ITGA2: variants seen among roughly 807,000 people sequenced by gnomAD.
ITGA2 encodes the protein integrin subunit alpha 2, also known as integrin alpha-2.
Under a neutral mutation model 146.3 loss-of-function variants are expected in ITGA2, and 101 were observed. The ratio of observed to expected loss-of-function variants is 0.69; its 90% CI spans 0.59 to 0.81. ITGA2 has a LOEUF of 0.81. Ranked by LOEUF, ITGA2 falls within the 40% of genes least tolerant of loss-of-function variation. The pLI is 0.00. For missense variants in ITGA2, 1,281 were observed against 1,402.7 expected, an observed-to-expected ratio of 0.91 and a Z score of 1.39; for synonymous variants, 477 against 487.1, an observed-to-expected ratio of 0.98 and a Z score of 0.27.
At chr5:53,049,068 A>G (rs1051090284) in intron 6 of ITGA2, among the ~76,000 whole-genome samples, 1 of 151,384 alleles carries the variant, frequency 6.6e-6, no homozygotes, top group Non-Finnish European at 1.5e-5. Context: ...CTGGAGTGCA[A>G]TGGCACGATT....
At chr5:53,070,332 G>T in intron 17 of ITGA2, 72 bp downstream of exon 17, 1 of 1,489,378 alleles carries the variant, frequency 6.7e-7, no homozygotes, top group Non-Finnish European at 9.3e-7. Flanking sequence ...AGTCAAAAAT[G>T]GAAGCTTATG....
intron 2 of ITGA2, among the ~76,000 whole-genome samples, chr5:53,029,403 TAA>T (rs777324772): frequency 3.3e-5 from 5 of 152,218 alleles, no homozygotes; most frequent in Non-Finnish European, 5.9e-5. Context: ...CTCCAAGAAC[TAA>T]GTCTTTTGTC....
At chr5:53,074,768 A>G (rs1253736134) in intron 21 of ITGA2, among the ~76,000 whole-genome samples, 1 of 152,004 alleles carries the variant, frequency 6.6e-6, no homozygotes, top group Non-Finnish European at 1.5e-5. Flanking sequence ...GAGATCATTT[A>G]TTAACCCCTA....
intron 6 of ITGA2, among the ~76,000 whole-genome samples, chr5:53,049,264 A>C (rs1447043865): frequency 1.3e-5 from 2 of 152,090 alleles, no homozygotes; most frequent in African/African-American, 4.8e-5. Flanking sequence ...CACCTGCCTC[A>C]GCCTCCCAAA....
At chr5:53,000,904 T>G (rs1433576844) in intron 1 of ITGA2, among the ~76,000 whole-genome samples, 3 of 144,798 alleles carry the variant, frequency 2.1e-5, no homozygotes, top group Admixed American at 6.9e-5. Flanking sequence ...TTTGTTTTTT[T>G]TTTTTTTTTT....
chr5:53,088,057 C>A lies in ITGA2; in HGVS notation c.3348+1016C>A, dbSNP rs1247890412. On this transcript the variant is annotated intron_variant, in intron 28 of 29. Coordinates refer to ENST00000296585, the MANE Select transcript of ITGA2 (RefSeq NM_002203.4). ...GTTTAGGAGCCTCAGTGAAAGCCTA[C>A]ACCCTCTCTTCAGACACTGGGGCCT... Among the ~76,000 whole-genome samples, 3 of 152,210 alleles carry A rather than the reference C, an allele frequency of 2.0e-5. No homozygotes were observed. In the East Asian group the frequency reaches 5.8e-4, roughly 29 times the overall value.
intron 8 of ITGA2, 49 bp downstream of exon 8, chr5:53,055,737 TC>T: frequency 6.3e-7 from 1 of 1,599,676 alleles, no homozygotes; most frequent in Non-Finnish European, 8.6e-7. Context: ...GGTAAATCTT[TC>T]TTTATAGCAT....
intron 1 of ITGA2, among the ~76,000 whole-genome samples, chr5:52,994,128 A>G (rs1211148040): frequency 1.3e-5 from 2 of 152,192 alleles, no homozygotes; most frequent in East Asian, 3.9e-4. Flanking sequence ...AGTGAATTTC[A>G]TAAAACTAAT....
At chr5:53,001,914 A>G (rs1008375687) in intron 1 of ITGA2, among the ~76,000 whole-genome samples, 3 of 151,724 alleles carry the variant, frequency 2.0e-5, no homozygotes, top group Non-Finnish European at 4.4e-5. Context: ...GATGCTTTAG[A>G]AGACATCTTA....
Position 53,056,003 on chromosome 5 carries a change from G to A in ITGA2, c.950G>A (p.Arg317Lys). 6.2e-7 allele frequency: 1 copy of A among 1,609,502 alleles called. No homozygotes were observed. The highest frequency in any genetic ancestry group is 1.1e-5 in the South Asian group (1 of 90,566). The stretch of plus-strand genomic sequence containing the variant: ...TTCAAGGTTCTTGGGTACTTAAACA[G>A]AAACGCCCTTGATACTAAAAATTTA... ...FGIAVLGYLN[R>K]NALDTKNLIK... The change falls in exon 9 of 30, where the codon AGA (arginine) becomes AAA (lysine). Residue 317 changes from arginine (R) to lysine (K), a missense_variant. By Grantham distance (26) the Arg-to-Lys change is conservative. This residue lies in a region of ITGA2 where 795 missense variants were observed against 841.7 expected (regional missense o/e 0.94). Transcript: ENST00000296585.
At position 53,092,147 on chromosome 5, in the gene ITGA2, C is replaced by CA. The variant is rs1740458549; in HGVS notation, c.*1549dup. On this transcript the variant is annotated 3_prime_UTR_variant, in exon 30 of 30. Transcript: ENST00000296585. Reference sequence around the variant, plus strand: ...CTTATTTTCTCTGTTCCTGAGCCCCCACATTCTCTAGGAGAAACTTAGAGG... The same window carrying CA: ...CTTATTTTCTCTGTTCCTGAGCCCCCAACATTCTCTAGGAGAAACTTAGAGG... 6.6e-6 allele frequency: 1 copy of CA among 152,204 alleles called. No homozygotes were observed. The highest frequency in any genetic ancestry group is 2.1e-4 in the South Asian group (1 of 4,824). 9.4% of individuals were successfully genotyped at this position (152,204 alleles called of 1,614,324 possible).
At chr5:53,045,168 C>A in intron 4 of ITGA2, 76 bp downstream of exon 4, 1 of 1,101,228 alleles carries the variant, frequency 9.1e-7, no homozygotes, top group Non-Finnish European at 1.4e-6. Flanking sequence ...CCATCCCTCC[C>A]AATCTGAGGA....
rs547881211 is a variant in ITGA2 at position 53,071,978 on chromosome 5, A to T, written c.2276A>T (p.Asp759Val). 1.9e-6 allele frequency: 3 copies of T among 1,612,378 alleles called. No homozygotes were observed. Among genetic ancestry groups the T allele is most frequent in the South Asian group, 1.1e-5 (1 of 91,054 alleles). ...DVVNSLDLRV[D>V]ISLENPGTSP... Reference sequence around the variant, plus strand: ...GTCAACTCTTTGGATTTGCGTGTGGACATCAGTCTGGAAAACCCTGGCACT... The same window carrying T: ...GTCAACTCTTTGGATTTGCGTGTGGTCATCAGTCTGGAAAACCCTGGCACT... Residue 759 changes from aspartate (D) to valine (V), a missense_variant, in exon 18 of 30, where the codon GAC becomes GTC. Physicochemically the swap from Asp to Val is radical, Grantham distance 152. Transcript: ENST00000296585.
intron 28 of ITGA2, 60 bp downstream of exon 28, chr5:53,087,101 A>T: frequency 8.7e-7 from 1 of 1,147,326 alleles, no homozygotes; most frequent in South Asian, 1.2e-5. Context: ...TCCACTTCTA[A>T]AAGCCTGGGA....
At chr5:53,037,926 A>G (rs996981322) in intron 2 of ITGA2, among the ~76,000 whole-genome samples, 9 of 152,180 alleles carry the variant, frequency 5.9e-5, no homozygotes, top group Non-Finnish European at 1.3e-4. Flanking sequence ...GGGAATTTCA[A>G]GTGCTTCCAC....
intron 2 of ITGA2, among the ~76,000 whole-genome samples, chr5:53,033,046 T>C (rs3776790): frequency 0.17 from 26,148 of 152,092 alleles, 2,696 homozygotes; most frequent in Middle Eastern, 0.24. Context: ...GGCGGGCGGA[T>C]CACTTGAGGT....
chr5:53,044,962 A>G, intron 3 of ITGA2, 39 bp from the exon 4 acceptor site: 1 of 1,473,648 alleles, frequency 6.8e-7, no homozygotes, highest in Non-Finnish European at 9.5e-7. Context: ...TAAACGAGGA[A>G]TTTTTAATCA....
At chr5:53,081,820 G>A (rs1430628190) in intron 26 of ITGA2, 124 bp downstream of exon 26, 2 of 677,638 alleles carry the variant, frequency 3.0e-6, no homozygotes, top group Non-Finnish European at 5.2e-6. Flanking sequence ...ATGCTTATAT[G>A]AGTCAAGATT....
In ITGA2 at chr5:53,060,910, T is replaced by C. The variant is rs1489498474; in HGVS notation, c.1322T>C (p.Val441Ala). 1 of 1,612,404 alleles carries C rather than the reference T, an allele frequency of 6.2e-7. No individual in the cohort carries two copies. The highest frequency in any genetic ancestry group is 1.1e-5 in the South Asian group (1 of 91,058). Residue 441 changes from valine (V) to alanine (A), a missense_variant, in exon 12 of 30, where the codon GTG becomes GCG. By Grantham distance (64) the Val-to-Ala change is moderately conservative. Coordinates refer to ENST00000296585, the MANE Select transcript of ITGA2 (RefSeq NM_002203.4). ...RNHSSYLGYSVAAISTGESTH... is the reference protein window; with the variant it reads ...RNHSSYLGYSAAAISTGESTH... ...GCTCCTTCCCTTTTAGGTTACTCTG[T>C]GGCTGCAATTTCTACTGGAGAAAGC...
Sources: allele counts gnomAD v4.1 joint callset (sites outside exome capture counted in the v4.1 genomes callset), GRCh38; gene constraint gnomAD v4.1.1; regional missense constraint gnomAD v4.1.1; transcripts MANE v1.5; gene names NCBI Gene and HGNC (gene_info 2026-07-23, HGNC 2026-07-21).